MYO9A: variants seen among roughly 807,000 people sequenced by gnomAD.
MYO9A encodes the protein unconventional myosin-IXa.
Under a neutral mutation model 293.3 loss-of-function variants are expected in MYO9A, and 103 were observed. The observed-to-expected ratio is 0.35, with a 90% CI of 0.30 to 0.41. MYO9A has a LOEUF of 0.41. Ranked by LOEUF, MYO9A falls within the 10% of genes least tolerant of loss-of-function variation. MYO9A has a pLI of 1.00. For missense variants in MYO9A, 2,685 were observed against 3,033.0 expected (o/e 0.89, Z 2.69); for synonymous variants, 1,001 against 1,035.7 (o/e 0.97, Z 0.64).
At chr15:71,977,418 G>C (rs1173119965) in intron 12 of MYO9A, among the ~76,000 whole-genome samples, 1 of 151,996 alleles carries the variant, frequency 6.6e-6, no homozygotes, top group Non-Finnish European at 1.5e-5. Context: ...CATATTTTCA[G>C]CACAGACAAG....
Position 72,026,295 on chromosome 15 carries a change from AAG to A in MYO9A, c.998+1434_998+1435del, listed in dbSNP as rs1463455755. On this transcript the variant is annotated intron_variant, in intron 4 of 41. Coordinates refer to ENST00000356056, the MANE Select transcript of MYO9A (RefSeq NM_006901.4). ...CTCAAGAAAAAAAAAAAAAAAAAAAAAGAAAGAAAAGAAATCACATTTCCAAA... is the reference window on the plus strand; with the variant it reads ...CTCAAGAAAAAAAAAAAAAAAAAAAAAAAGAAAAGAAATCACATTTCCAAA... 4.1e-3 allele frequency among the ~76,000 whole-genome samples: 483 copies of A among 118,190 alleles called. 8 individuals carry two copies. Among genetic ancestry groups the A allele is most frequent in the African/African-American group, 0.012 (362 of 31,316 alleles). 77.5% of individuals were successfully genotyped at this position (118,190 alleles called of 152,430 possible).
chr15:71,878,456 A>G (rs1184836101), intron 30 of MYO9A, among the ~76,000 whole-genome samples: 1 of 152,176 alleles, frequency 6.6e-6, no homozygotes, highest in African/African-American at 2.4e-5. Context: ...ACCTGACGGT[A>G]ATAATTTGAG....
chr15:71,953,725 A>G (rs1338644135), intron 14 of MYO9A: 2 of 151,806 alleles, frequency 1.3e-5, no homozygotes, highest in African/African-American at 2.4e-5. Flanking sequence ...TTTGAACGTT[A>G]TTTTCCAGAC....
At chr15:72,105,924 G>A (rs558230189) in intron 1 of MYO9A, among the ~76,000 whole-genome samples, 12 of 151,938 alleles carry the variant, frequency 7.9e-5, no homozygotes, top group African/African-American at 1.2e-4. Context: ...TGGTACATCC[G>A]TATAATAGAA....
At position 72,046,194 on chromosome 15, in the gene MYO9A, A is replaced by G. The variant is rs2078379732; in HGVS notation, c.370T>C (p.Trp124Arg). 1 of 1,614,146 alleles carries G rather than the reference A, an allele frequency of 6.2e-7. No homozygotes were observed. The highest frequency in any genetic ancestry group is 8.5e-7 in the Non-Finnish European group (1 of 1,180,014). Residue 124 changes from tryptophan (W) to arginine (R), a missense_variant, in exon 2 of 42, where the codon TGG becomes CGG. Physicochemically the swap from Trp to Arg is moderately radical, Grantham distance 101. Coordinates refer to ENST00000356056, the MANE Select transcript of MYO9A (RefSeq NM_006901.4). ...CGACGTTCTTCTGTTACCCGTAGCC[A>G]TGACTGCAGGCTACCATAATGGATT... Reference protein sequence around the residue: ...GSIHYGSLQSWLRVTEERRRM... With the variant: ...GSIHYGSLQSRLRVTEERRRM...
At chr15:71,902,757 T>C (rs1294952067) in intron 22 of MYO9A, among the ~76,000 whole-genome samples, 184 bp downstream of exon 22, 1 of 152,182 alleles carries the variant, frequency 6.6e-6, no homozygotes, top group East Asian at 1.9e-4. Context: ...TAGTCAGAAC[T>C]AGAGCACTGG....
chr15:71,929,475 A>C (rs753076400), intron 18 of MYO9A, among the ~76,000 whole-genome samples: 3 of 152,102 alleles, frequency 2.0e-5, no homozygotes, highest in Non-Finnish European at 4.4e-5. Flanking sequence ...TTCTATACCT[A>C]ATTCGTTGAG....
At chr15:71,953,508 C>A (rs1025265169) in intron 14 of MYO9A, 1 of 152,172 alleles carries the variant, frequency 6.6e-6, no homozygotes, top group East Asian at 1.9e-4. Context: ...TTAAAATACA[C>A]TAATTTATTA....
Position 72,045,913 on chromosome 15 carries a change from A to T in MYO9A, c.651T>A (p.Ala217=), listed in dbSNP as rs757574142. ...TGGCATGATAAGCTACATCAGCCACAGCATAAATGTGGGGCTCAAGTTTTC... is the reference window on the plus strand; with the variant it reads ...TGGCATGATAAGCTACATCAGCCACTGCATAAATGTGGGGCTCAAGTTTTC... ...QLGKLEPHIY[A]VADVAYHAML... The change falls in exon 2 of 42, where the codon GCT becomes GCA. Residue 217 remains alanine, a synonymous_variant. Transcript: ENST00000356056. 11 of 1,614,204 alleles carry T rather than the reference A, an allele frequency of 6.8e-6. No homozygotes were observed. The highest frequency in any genetic ancestry group is 1.6e-4 in the Middle Eastern group (1 of 6,062).
rs757299313 is a variant in MYO9A, at chr15:71,826,673, C to A, written c.7554G>T (p.Gly2518=). 9.3e-6 allele frequency: 15 copies of A among 1,614,030 alleles called. No individual in the cohort carries two copies. In the Admixed American group the frequency reaches 2.0e-4, roughly 22 times the overall value. The part of the protein sequence containing the change: ...SPQKTKETPE[G]TVMSGRRKTV... ...TTTTTCTGCGGCCAGACATGACTGT[C>A]CCCTCTGGGGTCTCTTTGGTTTTCT... Residue 2518 remains glycine, a synonymous_variant, in exon 42 of 42, where the codon GGG becomes GGT. Transcript: ENST00000356056.
chr15:72,022,895 A>C (rs1160182913), intron 4 of MYO9A, among the ~76,000 whole-genome samples: 2 of 152,170 alleles, frequency 1.3e-5, no homozygotes, highest in Admixed American at 1.3e-4. Flanking sequence ...ATTATAAGGC[A>C]TGCAAAGAAA....
intron 8 of MYO9A, among the ~76,000 whole-genome samples, chr15:72,003,199 G>A (rs1165619712): frequency 6.6e-6 from 1 of 151,078 alleles, no homozygotes; most frequent in Non-Finnish European, 1.5e-5. Flanking sequence ...AACCTGGGAG[G>A]CAGAGATTGT....
At chr15:71,990,018 G>C (rs1310231829) in intron 11 of MYO9A, among the ~76,000 whole-genome samples, 1 of 151,294 alleles carries the variant, frequency 6.6e-6, no homozygotes, top group African/African-American at 2.4e-5. Flanking sequence ...AGAGCAAGAA[G>C]ACCCATCTCT....
chr15:71,892,188 T>C (rs1382652396), intron 26 of MYO9A: 1 of 152,222 alleles, frequency 6.6e-6, no homozygotes, highest in Non-Finnish European at 1.5e-5. Flanking sequence ...GCTGAGAAGA[T>C]GATATAGTTA....
In MYO9A at chr15:72,063,876, G is replaced by A. The variant is rs527448363; in HGVS notation, c.-71-17242C>T. Among the ~76,000 whole-genome samples the A allele has an allele frequency of 6.6e-5, 10 of 152,168 alleles. No individual in the cohort carries two copies. In the South Asian group the frequency reaches 8.3e-4, roughly 13 times the overall value. ...TCCCGTGTTTACTGCAGCACTATTCGCAATCACCAAGATTTGGAATCAACC... is the reference window on the plus strand; with the variant it reads ...TCCCGTGTTTACTGCAGCACTATTCACAATCACCAAGATTTGGAATCAACC... On this transcript the variant is annotated intron_variant, in intron 1 of 41. Transcript: ENST00000356056.
intron 19 of MYO9A, among the ~76,000 whole-genome samples, chr15:71,908,423 A>G (rs563057355): frequency 5.3e-5 from 8 of 152,310 alleles, no homozygotes; most frequent in Admixed American, 3.9e-4. Context: ...TCGGCCTCCC[A>G]AAGTGCTGGG....
intron 9 of MYO9A, among the ~76,000 whole-genome samples, chr15:71,997,607 AAATG>A (rs960154232): frequency 2.0e-5 from 3 of 152,026 alleles, no homozygotes; most frequent in African/African-American, 2.4e-5. Flanking sequence ...CAAAAAAAAT[AAATG>A]AATACACCAA....
At chr15:72,069,562 G>T (rs909131831) in intron 1 of MYO9A, among the ~76,000 whole-genome samples, 1 of 152,114 alleles carries the variant, frequency 6.6e-6, no homozygotes, top group Non-Finnish European at 1.5e-5. Context: ...CTAGATAAGA[G>T]ATTCACAGCA....
At chr15:71,920,171 A>G (rs1157164559) in intron 18 of MYO9A, among the ~76,000 whole-genome samples, 1 of 152,202 alleles carries the variant, frequency 6.6e-6, no homozygotes, top group Non-Finnish European at 1.5e-5. Context: ...TTCCTTTCTT[A>G]ATTCCATCAT....
Sources: allele counts gnomAD v4.1 joint callset (sites outside exome capture counted in the v4.1 genomes callset), GRCh38; gene constraint gnomAD v4.1.1; transcripts MANE v1.5; gene names NCBI Gene and HGNC (gene_info 2026-07-23, HGNC 2026-07-21).